PLPP4: variants seen among roughly 807,000 people sequenced by gnomAD.
PLPP4 encodes diacylglycerol pyrophosphate like 2.
In PLPP4, 20 loss-of-function variants were observed where a neutral mutation model predicts 32.2. That is an observed-to-expected ratio of 0.62 (90% CI 0.44 to 0.90). The LOEUF is 0.90. PLPP4 is among the 40% of genes least tolerant of loss of function. PLPP4 has a pLI of 0.00. For missense variants in PLPP4, 257 were observed against 353.1 expected (o/e 0.73, Z 2.18); for synonymous variants, 127 against 133.0 (o/e 0.95, Z 0.31).
chr10:120,557,478 G>GT (rs1848212829), intron 5 of PLPP4, among the ~76,000 whole-genome samples: 1 of 152,144 alleles, frequency 6.6e-6, no homozygotes, highest in Admixed American at 6.5e-5. Context: ...TTGTAATTAA[G>GT]TATTAGTTGG....
At chr10:120,518,803 A>C (rs776377154) in intron 3 of PLPP4, 30 bp from the exon 4 acceptor site, 2 of 1,599,334 alleles carry the variant, frequency 1.3e-6, no homozygotes, top group African/African-American at 2.7e-5. Flanking sequence ...CCAGCTTGCT[A>C]TTTTTCTGTC....
At chr10:120,531,981 A>AT (rs1165627931) in intron 5 of PLPP4, among the ~76,000 whole-genome samples, 3 of 152,128 alleles carry the variant, frequency 2.0e-5, no homozygotes, top group African/African-American at 7.2e-5. Context: ...TTACATAGGT[A>AT]TACATGTGCC....
chr10:120,572,901 C>G (rs879627536), intron 5 of PLPP4, among the ~76,000 whole-genome samples: 1 of 152,304 alleles, frequency 6.6e-6, no homozygotes, highest in Admixed American at 6.5e-5. Context: ...ACCACAGTAT[C>G]TAGAGCAGGG....
chr10:120,582,857 G>A (rs887220940), intron 6 of PLPP4, among the ~76,000 whole-genome samples: 9 of 140,984 alleles, frequency 6.4e-5, no homozygotes, highest in African/African-American at 1.6e-4. Flanking sequence ...CTGTGTACCC[G>A]GCGTGTTCTC....
intron 5 of PLPP4, among the ~76,000 whole-genome samples, chr10:120,528,156 G>C (rs1026149655): frequency 2.3e-5 from 3 of 129,072 alleles, no homozygotes; most frequent in Non-Finnish European, 3.1e-5. Context: ...CTCACTGCAA[G>C]CTCCGCCTGC....
At chr10:120,548,450 G>A (rs1847737147) in intron 5 of PLPP4, among the ~76,000 whole-genome samples, 1 of 152,068 alleles carries the variant, frequency 6.6e-6, no homozygotes, top group African/African-American at 2.4e-5. Flanking sequence ...TGCTGTGTAT[G>A]TACCACATTT....
chr10:120,481,745 AG>A (rs1844215948), intron 1 of PLPP4, among the ~76,000 whole-genome samples: 2 of 152,186 alleles, frequency 1.3e-5, no homozygotes, highest in South Asian at 4.1e-4. Flanking sequence ...TCTGATGCTG[AG>A]ATTCTACTGT....
intron 5 of PLPP4, among the ~76,000 whole-genome samples, chr10:120,556,000 C>T (rs1411365446): frequency 6.6e-6 from 1 of 152,178 alleles, no homozygotes; most frequent in Non-Finnish European, 1.5e-5. Context: ...TGCAGGACTG[C>T]CCCCCTCTGC....
At chr10:120,487,767 A>C (rs928777642) in intron 1 of PLPP4, among the ~76,000 whole-genome samples, 1 of 152,214 alleles carries the variant, frequency 6.6e-6, no homozygotes, top group Non-Finnish European at 1.5e-5. Context: ...CCAGTTCCTT[A>C]GTGAGAAAAA....
intron 5 of PLPP4, 75 bp downstream of exon 5, chr10:120,521,170 A>C (rs1846139793): frequency 6.4e-7 from 1 of 1,559,638 alleles, no homozygotes; most frequent in Admixed American, 1.8e-5. Flanking sequence ...ATTTAGGTGC[A>C]GAGAAAAGCA....
intron 5 of PLPP4, among the ~76,000 whole-genome samples, chr10:120,565,207 T>G (rs1848628198): frequency 6.6e-6 from 1 of 152,202 alleles, no homozygotes; most frequent in African/African-American, 2.4e-5. Flanking sequence ...CTCTGCATAC[T>G]TTAACCCACA....
chr10:120,579,427 T>C (rs1450497568), intron 6 of PLPP4, among the ~76,000 whole-genome samples: 1 of 152,168 alleles, frequency 6.6e-6, no homozygotes, highest in Non-Finnish European at 1.5e-5. Flanking sequence ...TGGCCATTAT[T>C]GCGTTCGCCT....
intron 5 of PLPP4, among the ~76,000 whole-genome samples, chr10:120,528,265 G>A (rs567192150): frequency 1.9e-4 from 29 of 152,084 alleles, no homozygotes; most frequent in African/African-American, 7.0e-4. Flanking sequence ...TAGTAGAGAC[G>A]GGGTTTCACC....
At chr10:120,537,885 G>A (rs776803178) in intron 5 of PLPP4, among the ~76,000 whole-genome samples, 27 of 151,476 alleles carry the variant, frequency 1.8e-4, no homozygotes, top group Admixed American at 5.3e-4. Context: ...GCACTGTTCC[G>A]CATTCCCTTT....
At chr10:120,512,375 A>T (rs1845764117) in intron 2 of PLPP4, among the ~76,000 whole-genome samples, 1 of 152,206 alleles carries the variant, frequency 6.6e-6, no homozygotes, top group Non-Finnish European at 1.5e-5. Flanking sequence ...ACTTTTAAAC[A>T]ATCCAAGTCA....
intron 1 of PLPP4, 40 bp downstream of exon 1, chr10:120,457,401 G>T: frequency 6.6e-7 from 1 of 1,516,098 alleles, no homozygotes; most frequent in Non-Finnish European, 8.9e-7. Context: ...CACTGACGCG[G>T]GGGAACAACC....
At chr10:120,497,146 C>T (rs1344117420) in intron 1 of PLPP4, among the ~76,000 whole-genome samples, 1 of 151,578 alleles carries the variant, frequency 6.6e-6, no homozygotes, top group African/African-American at 2.4e-5. Flanking sequence ...TTCAGGTGAC[C>T]AAAAAAAGGT....
intron 1 of PLPP4, among the ~76,000 whole-genome samples, chr10:120,501,636 A>G (rs1399564215): frequency 6.6e-6 from 1 of 152,212 alleles, no homozygotes; most frequent in Non-Finnish European, 1.5e-5. Context: ...AGTGGCTGGA[A>G]GAGTTGTTAA....
chr10:120,480,671 T>C (rs1257800616), intron 1 of PLPP4, among the ~76,000 whole-genome samples: 3 of 152,202 alleles, frequency 2.0e-5, no homozygotes, highest in Non-Finnish European at 4.4e-5. Context: ...GTCCTGGGTT[T>C]CCTAAATGTT....
Sources: gnomAD v4.1 joint callset for allele counts (sites outside exome capture counted in the v4.1 genomes callset) on GRCh38, gnomAD v4.1.1 for gene constraint, MANE v1.5 for transcripts, NCBI Gene and HGNC (gene_info 2026-07-23, HGNC 2026-07-21) for gene names.